The following ATF6 variants were observed in gnomAD, a reference collection of about 807,000 sequenced individuals.
ATF6 encodes the protein cyclic AMP-dependent transcription factor ATF-6 alpha.
Under a neutral mutation model 83.6 loss-of-function variants are expected in ATF6, and 53 were observed. The observed-to-expected ratio is 0.63, with a 90% confidence interval of 0.51 to 0.80. The LOEUF (loss-of-function observed/expected upper bound fraction) is 0.80, where lower values mean the gene tolerates loss of function less well. ATF6 is among the 30% of genes least tolerant of loss of function. The pLI, the probability that ATF6 is intolerant of heterozygous loss-of-function variation, is 0.00. For synonymous variants in ATF6, 288 were observed against 285.8 expected (o/e 1.01, Z -0.08); for missense variants, 744 against 797.9 (o/e 0.93, Z 0.81).
chr1:161,851,233 A>AACACACACACACACAC (rs60202873), intron 10 of ATF6, among the ~76,000 whole-genome samples: 16 of 75,488 alleles, frequency 2.1e-4, no homozygotes, highest in East Asian at 1.4e-3. Flanking sequence ...CCCTATCCTT[A>AACACACACACACACAC]ACACACACAC....
At position 161,807,863 on chromosome 1, in the gene ATF6, A is replaced by ATTTTTTT. The variant is rs1557971141; in HGVS notation, c.909+5592_909+5593insTTTTTTT. On this transcript the variant is annotated intron_variant, in intron 7 of 15. Transcript: ENST00000367942. ...TACTTTTTGTACTTTTTAGTTTGTCATCTTTTTTTTTTTTTTTTTTTTTTT... is the reference window on the plus strand; with the variant it reads ...TACTTTTTGTACTTTTTAGTTTGTCATTTTTTTTCTTTTTTTTTTTTTTTTTTTTTTT... Among the ~76,000 whole-genome samples the ATTTTTTT allele has an allele frequency of 8.9e-4, 49 of 54,786 alleles. 8 individuals carry two copies. The highest frequency in any genetic ancestry group is 3.7e-3 in the African/African-American group (45 of 12,228). The allele number at this position is 54,786 out of a possible 152,430, so 35.9% of individuals were successfully genotyped here.
chr1:161,778,130 A>C (rs1343699214), intron 1 of ATF6, 114 bp from the exon 2 acceptor site: 4 of 696,140 alleles, frequency 5.7e-6, no homozygotes. Context: ...GTTTATCAAT[A>C]ATAGTAATGG....
chr1:161,773,979 A>G (rs1317502336), intron 1 of ATF6, among the ~76,000 whole-genome samples: 12 of 152,320 alleles, frequency 7.9e-5, no homozygotes, highest in African/African-American at 1.9e-4. Context: ...AACTGTTAAC[A>G]TCGTGCCACA....
rs146083374 is a variant in ATF6, at chr1:161,782,278, A to G, written c.247+279A>G. Among the ~76,000 whole-genome samples, 113 of 152,364 alleles carry G rather than the reference A, an allele frequency of 7.4e-4. 1 individual carries two copies. Among genetic ancestry groups the G allele is most frequent in the Non-Finnish European group, 1.1e-3 (77 of 68,036 alleles). ...GAATTATGAATAATGTCTCTGTATAAGATTAACCTGAGAACCAGACAGGGC... is the reference window on the plus strand; with the variant it reads ...GAATTATGAATAATGTCTCTGTATAGGATTAACCTGAGAACCAGACAGGGC... On this transcript the variant is annotated intron_variant, in intron 3 of 15. Transcript: ENST00000367942.
intron 15 of ATF6, 72 bp downstream of exon 15, chr1:161,912,452 A>G: frequency 1.0e-6 from 1 of 1,000,862 alleles, no homozygotes; most frequent in Non-Finnish European, 1.5e-6. Flanking sequence ...CATTAGTTCA[A>G]AGACATTTAA....
chr1:161,921,476 G>C (rs528240195), intron 15 of ATF6, among the ~76,000 whole-genome samples: 1 of 152,216 alleles, frequency 6.6e-6, no homozygotes, highest in African/African-American at 2.4e-5. Context: ...TTCAAAGCTT[G>C]GAATGGGAAG....
chr1:161,851,948 A>G (rs1557995581), intron 11 of ATF6, 113 bp downstream of exon 11: 4 of 764,960 alleles, frequency 5.2e-6, no homozygotes, highest in Non-Finnish European at 8.8e-6. Flanking sequence ...TCTCTGAATT[A>G]TTTGTGGATA....
chr1:161,895,473 A>T (rs1218348005), intron 14 of ATF6, among the ~76,000 whole-genome samples: 1 of 152,230 alleles, frequency 6.6e-6, no homozygotes, highest in Non-Finnish European at 1.5e-5. Flanking sequence ...ATCTAATATT[A>T]TAACTTCGTT....
In ATF6 at chr1:161,798,206, C is replaced by A. The variant is rs1389934460; in HGVS notation, c.689-3846C>A. On this transcript the variant is annotated intron_variant, in intron 6 of 15. Coordinates refer to ENST00000367942, the MANE Select transcript of ATF6 (RefSeq NM_007348.4). ...AATGTACAGGCTCAAATTATAAAAA[C>A]CCTAGAAGAAAACCTAGGAAATATG... Among the ~76,000 whole-genome samples the A allele has an allele frequency of 3.9e-5, 6 of 152,252 alleles. No individual in the cohort carries two copies. In the East Asian group the frequency reaches 1.2e-3, roughly 29 times the overall value.
At chr1:161,856,842 A>G (rs752509908) in intron 12 of ATF6, among the ~76,000 whole-genome samples, 39 of 152,200 alleles carry the variant, frequency 2.6e-4, no homozygotes, top group Non-Finnish European at 1.0e-4. Context: ...AGGAATTCCA[A>G]TGCAAGAAAA....
At chr1:161,948,827 A>G (rs1483646239) in intron 15 of ATF6, among the ~76,000 whole-genome samples, 1 of 152,250 alleles carries the variant, frequency 6.6e-6, no homozygotes, top group African/African-American at 2.4e-5. Context: ...CAAAACGATC[A>G]GTTGTAAGGA....
chr1:161,927,071 C>A (rs929407389), intron 15 of ATF6, among the ~76,000 whole-genome samples: 29 of 151,876 alleles, frequency 1.9e-4, no homozygotes, highest in African/African-American at 7.0e-4. Context: ...GTGATTCATG[C>A]CTTCAGAGAG....
At chr1:161,821,264 A>C in intron 9 of ATF6, 103 bp downstream of exon 9, 3 of 751,754 alleles carry the variant, frequency 4.0e-6, no homozygotes, top group Non-Finnish European at 6.4e-6. Context: ...TTTGTTTTTC[A>C]AGATGTGTAA....
At chr1:161,931,074 C>T (rs899311271) in intron 15 of ATF6, among the ~76,000 whole-genome samples, 18 of 152,064 alleles carry the variant, frequency 1.2e-4, no homozygotes, top group Admixed American at 1.0e-3. Flanking sequence ...GGAGTTTCAC[C>T]GTGTTGGCCA....
At chr1:161,831,328 C>T (rs1557984126) in intron 9 of ATF6, among the ~76,000 whole-genome samples, 1 of 152,230 alleles carries the variant, frequency 6.6e-6, no homozygotes. Context: ...GAAATAGGAA[C>T]ACTTTTACAC....
chr1:161,818,064 G>A lies in ATF6; in HGVS notation c.910-1569G>A, dbSNP rs563349424. ...TGCAGCGGGCCGAGATCTCCCCACCGTACTCCAGCCTGGGCAACAGAGCAA... is the reference window on the plus strand; with the variant it reads ...TGCAGCGGGCCGAGATCTCCCCACCATACTCCAGCCTGGGCAACAGAGCAA... On this transcript the variant is annotated intron_variant, in intron 7 of 15. Coordinates refer to ENST00000367942, the MANE Select transcript of ATF6 (RefSeq NM_007348.4). 7.0e-5 allele frequency among the ~76,000 whole-genome samples: 10 copies of A among 142,788 alleles called. No individual in the cohort carries two copies. In the East Asian group the frequency reaches 1.6e-3, roughly 23 times the overall value. 93.7% of individuals were successfully genotyped at this position (142,788 alleles called of 152,430 possible).
intron 4 of ATF6, among the ~76,000 whole-genome samples, chr1:161,789,248 TCTC>T (rs1357178001): frequency 6.9e-6 from 1 of 145,772 alleles, no homozygotes; most frequent in African/African-American, 2.6e-5. Flanking sequence ...TCTTATTCCT[TCTC>T]CTTTTTTTTT....
At chr1:161,953,672 T>C (rs1304244075) in intron 15 of ATF6, among the ~76,000 whole-genome samples, 3 of 152,186 alleles carry the variant, frequency 2.0e-5, no homozygotes, top group Non-Finnish European at 4.4e-5. Flanking sequence ...CAGAAGCTCT[T>C]TGCCCCATGC....
intron 6 of ATF6, among the ~76,000 whole-genome samples, chr1:161,800,867 C>T (rs566346153): frequency 6.6e-6 from 1 of 152,246 alleles, no homozygotes; most frequent in South Asian, 2.1e-4. Flanking sequence ...TTAGAAGTCT[C>T]TTTTTGATTT....
Sources: gnomAD v4.1 joint callset for allele counts (sites outside exome capture counted in the v4.1 genomes callset) on GRCh38, gnomAD v4.1.1 for gene constraint, MANE v1.5 for transcripts, NCBI Gene and HGNC (gene_info 2026-07-23, HGNC 2026-07-21) for gene names.